ZBTB20: variants seen among roughly 807,000 people sequenced by gnomAD.
ZBTB20 encodes the protein zinc finger and BTB domain-containing protein 20.
ZBTB20 carries 9 observed loss-of-function variants against 56.9 expected under a neutral mutation model. The ratio of observed to expected loss-of-function variants is 0.16; its 90% CI spans 0.10 to 0.28. The LOEUF (loss-of-function observed/expected upper bound fraction) is 0.28, where lower values mean the gene tolerates loss of function less well. Ranked by LOEUF, ZBTB20 falls within the 10% of genes least tolerant of loss-of-function variation. The pLI is 1.00. For missense variants in ZBTB20, 655 were observed against 1,003.0 expected, an observed-to-expected ratio of 0.65 and a Z score of 4.69; for synonymous variants, 417 against 420.7, an observed-to-expected ratio of 0.99 and a Z score of 0.11.
In ZBTB20 at chr3:115,146,989, CGGGCGGGGCGGGGCG is replaced by C. The variant is rs547943376; in HGVS notation, c.-703+215_-703+229del. 3.4e-5 allele frequency among the ~76,000 whole-genome samples: 5 copies of C among 149,022 alleles called. No homozygotes were observed. The East Asian group carries it at 8.0e-4, about 24-fold the overall frequency. ...AAGAAGGGCGCCGGGGGAGGGGGCG[CGGGCGGGGCGGGGCG>C]GGGCGGGGCGCGGGGGCGCGCGCGC... On this transcript the variant is annotated intron_variant, in intron 1 of 11. Coordinates refer to ENST00000675478, the MANE Select transcript of ZBTB20 (RefSeq NM_001348800.3).
chr3:115,000,522 A>G (rs974723840), intron 2 of ZBTB20, among the ~76,000 whole-genome samples: 1 of 151,540 alleles, frequency 6.6e-6, no homozygotes, highest in African/African-American at 2.4e-5. Flanking sequence ...ACCCTTTCAC[A>G]TTGCCCAACC....
chr3:114,768,946 T>C (rs947151077), intron 5 of ZBTB20, among the ~76,000 whole-genome samples: 2 of 152,196 alleles, frequency 1.3e-5, no homozygotes, highest in African/African-American at 2.4e-5. Flanking sequence ...GGCACATGTG[T>C]TGTCTTACTT....
chr3:114,960,113 G>A (rs996396935), intron 3 of ZBTB20, among the ~76,000 whole-genome samples: 1 of 152,096 alleles, frequency 6.6e-6, no homozygotes, highest in Non-Finnish European at 1.5e-5. Context: ...GGCTTCTTGT[G>A]GCATTAAAGA....
intron 4 of ZBTB20, among the ~76,000 whole-genome samples, chr3:114,848,785 C>T (rs896599649): frequency 6.6e-6 from 1 of 152,194 alleles, no homozygotes; most frequent in African/African-American, 2.4e-5. Flanking sequence ...CTGCCCAGGG[C>T]GGCTACCTCC....
chr3:114,614,946 C>T lies in ZBTB20; in HGVS notation c.-295+78582G>A, dbSNP rs144594382. On this transcript the variant is annotated intron_variant, in intron 6 of 11. Transcript: ENST00000675478. ...CTAATTTTTGTATTTTTAGTAGAGA[C>T]GAGGTTTCATCATGTTGGCTAGGCT... 7.8e-4 allele frequency among the ~76,000 whole-genome samples: 118 copies of T among 152,038 alleles called. 1 individual carries two copies. The South Asian group carries it at 9.2e-3, about 12-fold the overall frequency.
At chr3:114,712,805 A>C (rs985566323) in intron 5 of ZBTB20, among the ~76,000 whole-genome samples, 2 of 152,236 alleles carry the variant, frequency 1.3e-5, no homozygotes, top group African/African-American at 4.8e-5. Context: ...TGTAACTATT[A>C]AATCAGTATG....
intron 7 of ZBTB20, among the ~76,000 whole-genome samples, chr3:114,454,211 A>AGAGAGAGAGAGAGAG (rs1317410658): frequency 1.5e-3 from 193 of 129,060 alleles, no homozygotes; most frequent in African/African-American, 2.6e-3. Flanking sequence ...AGAGAGAGAG[A>AGAGAGAGAGAGAGAG]AATTGGAGCT....
chr3:114,905,179 TCA>T (rs2107684265), intron 3 of ZBTB20, among the ~76,000 whole-genome samples: 1 of 152,008 alleles, frequency 6.6e-6, no homozygotes, highest in East Asian at 1.9e-4. Context: ...AACTTAAACT[TCA>T]CAACTTTTAA....
chr3:114,833,847 A>C (rs2073982663), intron 4 of ZBTB20, among the ~76,000 whole-genome samples: 1 of 151,950 alleles, frequency 6.6e-6, no homozygotes, highest in Non-Finnish European at 1.5e-5. Context: ...TCTTATAGAT[A>C]GGTAATATTA....
Position 114,783,771 on chromosome 3 carries a change from G to A in ZBTB20, c.-343+17330C>T, listed in dbSNP as rs374465020. 8.9e-4 allele frequency among the ~76,000 whole-genome samples: 120 copies of A among 134,540 alleles called. 5 individuals are homozygous for A. The South Asian group carries it at 0.027, about 30-fold the overall frequency. The allele number at this position is 134,540 out of a possible 152,430, so 88.3% of individuals were successfully genotyped here. On this transcript the variant is annotated intron_variant, in intron 5 of 11. Transcript: ENST00000675478. ...TCGCGCCACTGCACTCCAGCCTGGT[G>A]ACGGAGCAAGACTCTGCCTCAAAAA...
At chr3:114,783,131 T>C (rs150776484) in intron 5 of ZBTB20, among the ~76,000 whole-genome samples, 237 of 152,282 alleles carry the variant, frequency 1.6e-3, no homozygotes, top group African/African-American at 5.5e-3. Context: ...GCATAAGAAG[T>C]AGGTTCAGAC....
chr3:114,814,748 T>C (rs2072797060), intron 4 of ZBTB20, among the ~76,000 whole-genome samples: 1 of 152,194 alleles, frequency 6.6e-6, no homozygotes, highest in Admixed American at 6.5e-5. Flanking sequence ...ATAAGGCATA[T>C]AACATAGAGC....
intron 5 of ZBTB20, among the ~76,000 whole-genome samples, chr3:114,709,345 C>G (rs1293765913): frequency 6.6e-6 from 1 of 152,022 alleles, no homozygotes; most frequent in Non-Finnish European, 1.5e-5. Flanking sequence ...GGTAATTGTG[C>G]AAGAGACCAC....
At chr3:115,016,390 T>C (rs917975996) in intron 2 of ZBTB20, among the ~76,000 whole-genome samples, 11 of 152,090 alleles carry the variant, frequency 7.2e-5, no homozygotes, top group Admixed American at 3.9e-4. Flanking sequence ...TCCTTCCCCA[T>C]GGCTACATCC....
intron 1 of ZBTB20, among the ~76,000 whole-genome samples, chr3:115,117,942 T>C (rs181189595): frequency 1.3e-4 from 20 of 152,292 alleles, no homozygotes; most frequent in African/African-American, 4.6e-4. Context: ...AGTGCTTCGG[T>C]AGAAAGAACG....
chr3:114,403,449 C>G (rs193105107), intron 7 of ZBTB20, among the ~76,000 whole-genome samples: 130 of 152,228 alleles, frequency 8.5e-4, no homozygotes, highest in Admixed American at 1.7e-3. Context: ...AGGAACGTCT[C>G]AGGGACTCAG....
chr3:114,806,710 A>C (rs1483832038), intron 4 of ZBTB20, among the ~76,000 whole-genome samples: 1 of 152,004 alleles, frequency 6.6e-6, no homozygotes, highest in African/African-American at 2.4e-5. Flanking sequence ...TTCTTCTAGA[A>C]ATTTTATAAT....
intron 4 of ZBTB20, among the ~76,000 whole-genome samples, chr3:114,862,485 C>T (rs536246634): frequency 2.6e-4 from 39 of 151,566 alleles, no homozygotes; most frequent in Non-Finnish European, 4.3e-4. Context: ...GTTCAAAACT[C>T]GAATAAACAT....
intron 5 of ZBTB20, among the ~76,000 whole-genome samples, chr3:114,789,479 TA>T (rs1438925929): frequency 6.6e-6 from 1 of 152,256 alleles, no homozygotes. Context: ...ATTAACATTT[TA>T]AAAAAACTTT....
Sources: allele counts gnomAD v4.1 joint callset (sites outside exome capture counted in the v4.1 genomes callset), GRCh38; gene constraint gnomAD v4.1.1; transcripts MANE v1.5; gene names NCBI Gene and HGNC (gene_info 2026-07-23, HGNC 2026-07-21).